USP49: variants seen among roughly 807,000 people sequenced by gnomAD.
The protein encoded by USP49 is ubiquitin specific peptidase 49.
A neutral mutation model predicts 58.6 loss-of-function variants in USP49; 24 were observed. The ratio of observed to expected loss-of-function variants is 0.41; its 90% CI spans 0.30 to 0.58. The LOEUF is 0.58. Among genes scored for constraint, USP49 ranks in the 20% least tolerant of loss-of-function variants. USP49 has a pLI of 0.30. For missense variants in USP49, 703 were observed against 866.1 expected (o/e 0.81, Z 2.36); for synonymous variants, 408 against 365.1 (o/e 1.12, Z -1.34).
rs1465790459 is a variant in USP49, at chr6:41,790,191, TG to T, written c.*6341del. ...TTGCATAGCATTTTAGTGCACCAGA[TG>T]GGTTTTCCAGACACCAGGGAGGCAT... On this transcript the variant is annotated 3_prime_UTR_variant, in exon 8 of 8. Transcript: ENST00000682992. 1 of 152,172 alleles carries T rather than the reference TG, an allele frequency of 6.6e-6. No homozygotes were observed. Among genetic ancestry groups the T allele is most frequent in the African/African-American group, 2.4e-5 (1 of 41,452 alleles). 9.4% of individuals were successfully genotyped at this position (152,172 alleles called of 1,614,324 possible).
chr6:41,837,985 C>T (rs1437492397), intron 3 of USP49, among the ~76,000 whole-genome samples: 1 of 152,092 alleles, frequency 6.6e-6, no homozygotes, highest in East Asian at 1.9e-4. Flanking sequence ...GAAAAGGGAC[C>T]ACTTATACAA....
chr6:41,817,382 A>G (rs1010814725), intron 3 of USP49, among the ~76,000 whole-genome samples: 1 of 146,374 alleles, frequency 6.8e-6, no homozygotes, highest in African/African-American at 2.6e-5. Context: ...TCTTGACCTC[A>G]TGATCCACCC....
chr6:41,883,399 G>A (rs1187867225), intron 2 of USP49, among the ~76,000 whole-genome samples: 1 of 149,456 alleles, frequency 6.7e-6, no homozygotes, highest in Non-Finnish European at 1.5e-5. Context: ...GCTCACGCTT[G>A]TAATCCCAGC....
intron 3 of USP49, among the ~76,000 whole-genome samples, chr6:41,865,754 T>G (rs1176370944): frequency 6.7e-6 from 1 of 150,352 alleles, no homozygotes; most frequent in African/African-American, 2.5e-5. Flanking sequence ...TCCTCCTGCC[T>G]CAGCTTCCTG....
rs528849209 is a variant in USP49 at position 41,840,369 on chromosome 6, G to A, written c.-29+31195C>T. On this transcript the variant is annotated intron_variant, in intron 3 of 7. Transcript: ENST00000682992. ...AGCCTGGGCGACCGAGCAAAACTCC[G>A]TCTCAAAAAAAAAAAAAAAAGAAAA... is the stretch of plus-strand genomic sequence containing the variant. 1.6e-4 allele frequency among the ~76,000 whole-genome samples: 22 copies of A among 138,208 alleles called. No individual in the cohort carries two copies. In the East Asian group the frequency reaches 4.2e-3, roughly 26 times the overall value. 90.7% of individuals were successfully genotyped at this position (138,208 alleles called of 152,430 possible).
At chr6:41,859,055 T>TTTAAACTAGAACTAATTTAAA (rs1381927474) in intron 3 of USP49, among the ~76,000 whole-genome samples, 4 of 152,198 alleles carry the variant, frequency 2.6e-5, no homozygotes, top group Non-Finnish European at 4.4e-5. Flanking sequence ...TAAACTATCA[T>TTTAAACTAGAACTAATTTAAA]CAGTTCTAGC....
chr6:41,883,353 C>T (rs111522183), intron 2 of USP49, among the ~76,000 whole-genome samples: 1 of 49,072 alleles, frequency 2.0e-5, no homozygotes, highest in Non-Finnish European at 4.2e-5. Flanking sequence ...GACTCTGTCT[C>T]AAAAAAAAAA....
At chr6:41,815,684 A>G (rs1773337496) in intron 3 of USP49, among the ~76,000 whole-genome samples, 2 of 152,186 alleles carry the variant, frequency 1.3e-5, no homozygotes, top group African/African-American at 4.8e-5. Context: ...GGAAGCTCTG[A>G]CAAAATGTGT....
intron 1 of USP49, among the ~76,000 whole-genome samples, chr6:41,893,371 C>T (rs113762049): frequency 1.3e-5 from 2 of 152,304 alleles, no homozygotes; most frequent in African/African-American, 4.8e-5. Flanking sequence ...ATCTGCCTTT[C>T]TCTGAAATGA....
intron 3 of USP49, among the ~76,000 whole-genome samples, chr6:41,869,281 C>T (rs1158475569): frequency 1.3e-5 from 2 of 151,964 alleles, no homozygotes; most frequent in Non-Finnish European, 2.9e-5. Context: ...ACCTATAGTC[C>T]CAGCTACTCA....
chr6:41,814,868 T>C (rs1773321347), intron 3 of USP49, among the ~76,000 whole-genome samples: 1 of 152,184 alleles, frequency 6.6e-6, no homozygotes, highest in Non-Finnish European at 1.5e-5. Flanking sequence ...CATCAACATC[T>C]GTGATTCTGC....
chr6:41,829,495 T>G (rs1397653355), intron 3 of USP49, among the ~76,000 whole-genome samples: 1 of 152,198 alleles, frequency 6.6e-6, no homozygotes, highest in Non-Finnish European at 1.5e-5. Flanking sequence ...GTATTTTTAG[T>G]AGAGATGGGG....
At chr6:41,800,416 T>C (rs535900590) in intron 5 of USP49, among the ~76,000 whole-genome samples, 19 of 152,352 alleles carry the variant, frequency 1.2e-4, no homozygotes, top group African/African-American at 4.6e-4. Context: ...TTTAAGTCAT[T>C]GTTATTTGGG....
chr6:41,843,761 C>T (rs1002821925), intron 3 of USP49, among the ~76,000 whole-genome samples: 3 of 151,666 alleles, frequency 2.0e-5, no homozygotes, highest in Non-Finnish European at 2.9e-5. Flanking sequence ...TACAAAAAAT[C>T]GGCCGGGTGT....
At chr6:41,838,046 A>C (rs1773758345) in intron 3 of USP49, among the ~76,000 whole-genome samples, 1 of 152,214 alleles carries the variant, frequency 6.6e-6, no homozygotes, top group Admixed American at 6.5e-5. Flanking sequence ...CAGTTTGGTG[A>C]TTTCTCAAAG....
intron 3 of USP49, among the ~76,000 whole-genome samples, chr6:41,821,590 T>C (rs1365958041): frequency 6.6e-6 from 1 of 152,134 alleles, no homozygotes; most frequent in African/African-American, 2.4e-5. Context: ...CTGGCTAACA[T>C]GGTGAAACCC....
chr6:41,817,181 G>T, intron 3 of USP49, among the ~76,000 whole-genome samples: 1 of 100,792 alleles, frequency 9.9e-6, no homozygotes, highest in Non-Finnish European at 1.8e-5. Context: ...ACAGAGTCTT[G>T]CTCTGTCGCC....
chr6:41,875,513 CAATA>C, intron 2 of USP49, among the ~76,000 whole-genome samples: 1 of 152,140 alleles, frequency 6.6e-6, no homozygotes, highest in East Asian at 1.9e-4. Flanking sequence ...GTAGGTGCTT[CAATA>C]AATACTGACC....
At position 41,803,219 on chromosome 6, in the gene USP49, G is replaced by T. The variant is rs1432063032; in HGVS notation, c.1561+587C>A. Among the ~76,000 whole-genome samples, 2 of 152,192 alleles carry T rather than the reference G, an allele frequency of 1.3e-5. No individual in the cohort carries two copies. The highest frequency in any genetic ancestry group is 3.2e-3 in the Middle Eastern group (1 of 316). ...CATTCTCAGAGTCCCCATTTCAGGA[G>T]CCACAACTTTAAAATCCCTTCCAAG... On this transcript the variant is annotated intron_variant, in intron 5 of 7. Transcript: ENST00000682992. This position sits in a 1 kb window ranked among gnomAD's most constrained non-coding sequence, Gnocchi z 4.1.
Sources: allele counts gnomAD v4.1 joint callset (sites outside exome capture counted in the v4.1 genomes callset), GRCh38; gene constraint gnomAD v4.1.1; non-coding constraint Gnocchi (gnomAD v3.1); transcripts MANE v1.5; gene names NCBI Gene and HGNC (gene_info 2026-07-23, HGNC 2026-07-21).